The following AKR1C3 variants were observed in gnomAD, a reference collection of about 807,000 sequenced individuals.
The protein encoded by AKR1C3 is aldo-keto reductase family 1 member C3, also known as 3-alpha hydroxysteroid dehydrogenase, type II.
Under a neutral mutation model 43.6 loss-of-function variants are expected in AKR1C3, and 48 were observed. That is an observed-to-expected ratio of 1.10 (90% confidence interval 0.87 to 1.40). The LOEUF (loss-of-function observed/expected upper bound fraction) is 1.40, where lower values mean the gene tolerates loss of function less well. Ranked by LOEUF, AKR1C3 falls within the 40% of genes most tolerant of loss-of-function variation. The probability of loss-of-function intolerance (pLI) is 0.00; values close to 1 mark genes in which losing one functional copy is unlikely to be tolerated. For missense variants in AKR1C3, 482 were observed against 391.2 expected (o/e 1.23, Z -1.96); for synonymous variants, 162 against 139.6 (o/e 1.16, Z -1.13).
upstream of AKR1C3, among the ~76,000 whole-genome samples, chr10:5,092,118 T>C (rs375146620): frequency 3.3e-5 from 5 of 152,134 alleles, no homozygotes; most frequent in East Asian, 7.7e-4. Context: ...ACCTATTACA[T>C]CCTTCAAATT....
chr10:5,068,830 G>T (rs1268684850), intron 1 of AKR1C3, among the ~76,000 whole-genome samples: 5 of 152,322 alleles, frequency 3.3e-5, no homozygotes, highest in Middle Eastern at 3.4e-3. Context: ...TCCCGAGTGG[G>T]CTGTCCTCAG....
At chr10:5,107,309 A>G in intron 8 of AKR1C3, 152 bp from the exon 9 acceptor site, 1 of 616,292 alleles carries the variant, frequency 1.6e-6, no homozygotes, top group Non-Finnish European at 2.9e-6. Flanking sequence ...ATACTGTATT[A>G]TGAAGCCATG....
chr10:5,069,508 T>C (rs66500137), intron 1 of AKR1C3, among the ~76,000 whole-genome samples: 1 of 152,154 alleles, frequency 6.6e-6, no homozygotes, highest in Non-Finnish European at 1.5e-5. Context: ...TTCCAGCACA[T>C]TTTGCCTACT....
chr10:5,054,416 G>A (rs1005972502), intron 1 of AKR1C3, among the ~76,000 whole-genome samples: 15 of 152,130 alleles, frequency 9.9e-5, no homozygotes. Context: ...GCTTTGAGGG[G>A]TACTGATAAG....
At chr10:5,082,873 C>T (rs1341174947) in intron 1 of AKR1C3, among the ~76,000 whole-genome samples, 3 of 152,120 alleles carry the variant, frequency 2.0e-5, no homozygotes, top group African/African-American at 7.2e-5. Flanking sequence ...TTGGTACCAG[C>T]TCTTCTTTCC....
chr10:5,059,943 GT>G (rs1421784200), intron 1 of AKR1C3, among the ~76,000 whole-genome samples: 1 of 152,142 alleles, frequency 6.6e-6, no homozygotes, highest in Non-Finnish European at 1.5e-5. Flanking sequence ...CATGTCTGGA[GT>G]TTTTTCCTTC....
chr10:5,105,373 G>C, intron 7 of AKR1C3: 2 of 358,110 alleles, frequency 5.6e-6, no homozygotes. Context: ...TTTTCTCTTT[G>C]TCTGCAGAGT....
intron 6 of AKR1C3, 121 bp downstream of exon 6, chr10:5,102,331 A>G (rs3750566): frequency 0.19 from 306,330 of 1,590,976 alleles, 41,115 homozygotes; most frequent in East Asian, 0.68. Context: ...AGAGAATTGC[A>G]TTTCTGACGA....
At chr10:5,099,812 T>A in intron 5 of AKR1C3, 1 of 230,018 alleles carries the variant, frequency 4.3e-6, no homozygotes, top group Non-Finnish European at 8.6e-6. Flanking sequence ...TGTATAGATA[T>A]GAAGCTAGGA....
At chr10:5,050,062 C>A (rs1415872058) in intron 1 of AKR1C3, among the ~76,000 whole-genome samples, 1 of 152,176 alleles carries the variant, frequency 6.6e-6, no homozygotes, top group Non-Finnish European at 1.5e-5. Flanking sequence ...ATATCATGTT[C>A]TCCCAAACCT....
rs782057404 is a variant in AKR1C3 at position 5,096,476 on chromosome 10, T to C, written c.151T>C (p.Ser51Pro). The C allele has an allele frequency of 2.5e-6, 4 of 1,613,874 alleles. No individual in the cohort carries two copies. Among genetic ancestry groups the C allele is most frequent in the Non-Finnish European group, 3.4e-6 (4 of 1,179,796 alleles). Residue 51 changes from serine to proline, a missense_variant, in exon 2 of 9, where the codon TCT becomes CCT. Coordinates refer to ENST00000380554, the MANE Select transcript of AKR1C3 (RefSeq NM_003739.6). ...AGAAGCTGGGTTCCGCCATATAGAT[T>C]CTGCTCATTTATACAATAATGAGGA... is the stretch of plus-strand genomic sequence containing the variant. ...AIEAGFRHIDSAHLYNNEEQV... is the reference protein window; with the variant it reads ...AIEAGFRHIDPAHLYNNEEQV...
rs1564374105 is a variant in AKR1C3, at chr10:5,107,460, G to GTT, written c.932_933dup (p.Ala312LeufsTer20). The GTT allele has an allele frequency of 6.4e-7, 1 of 1,570,042 alleles. No homozygotes were observed. Among genetic ancestry groups the GTT allele is most frequent in the Admixed American group, 1.7e-5 (1 of 59,662 alleles). On this transcript the variant is annotated frameshift_variant and splice_region_variant. Coordinates refer to ENST00000380554, the MANE Select transcript of AKR1C3 (RefSeq NM_003739.6). LOFTEE classifies it high-confidence loss of function. The stretch of plus-strand genomic sequence containing the variant: ...TATATTATACATTATTCTCTTTTCA[G>GTT]TTTTGCTAGCCACCCTAATTATCCA...
rs533261676 is a variant in AKR1C3 at position 5,058,627 on chromosome 10, C to T, written c.84+9732C>T. Reference sequence around the variant, plus strand: ...TGATCAGAATACCTGTGCTCACCAACGCAGCAGTGGAAACAACCCCTGCCC... The same window carrying T: ...TGATCAGAATACCTGTGCTCACCAATGCAGCAGTGGAAACAACCCCTGCCC... On this transcript the variant is annotated intron_variant, in intron 1 of 8. Transcript: ENST00000439082. Among the ~76,000 whole-genome samples the T allele has an allele frequency of 1.2e-4, 19 of 152,292 alleles. 1 individual carries two copies. In the South Asian group the frequency reaches 3.1e-3, roughly 25 times the overall value.
chr10:5,096,329 T>C, intron 1 of AKR1C3, 81 bp from the exon 2 acceptor site: 1 of 1,504,606 alleles, frequency 6.6e-7, no homozygotes, highest in Non-Finnish European at 9.0e-7. Flanking sequence ...AAGCTGATTC[T>C]TGTATAAAAG....
chr10:5,051,225 A>G (rs1025532308), intron 1 of AKR1C3, among the ~76,000 whole-genome samples: 9 of 152,096 alleles, frequency 5.9e-5, no homozygotes, highest in African/African-American at 1.9e-4. Context: ...CCTCCCAAGT[A>G]GTTGGAATTA....
At chr10:5,056,854 G>T (rs1342743377) in intron 1 of AKR1C3, among the ~76,000 whole-genome samples, 2 of 152,230 alleles carry the variant, frequency 1.3e-5, no homozygotes, top group Admixed American at 6.5e-5. Flanking sequence ...TACAACTGAG[G>T]AGGTGAGAGA....
At chr10:5,077,551 G>T in intron 1 of AKR1C3, 1 of 487,824 alleles carries the variant, frequency 2.0e-6, no homozygotes, top group East Asian at 1.5e-4. Context: ...GGAAATGCAA[G>T]GTTTGTCTTT....
At chr10:5,078,043 T>C (rs536937974) in intron 1 of AKR1C3, 1 of 648,516 alleles carries the variant, frequency 1.5e-6, no homozygotes, top group African/African-American at 1.9e-5. Context: ...TACTATATTT[T>C]GTAAATGGAA....
At position 5,073,049 on chromosome 10, in the gene AKR1C3, C is replaced by T. The variant is rs148274131; in HGVS notation, c.85-23361C>T. On this transcript the variant is annotated intron_variant, in intron 1 of 8. Transcript: ENST00000439082. Reference sequence around the variant, plus strand: ...CACAATCTTGGCTCACTGCAACCTCCGCCTCCTGAGTTCAAGTGATTCACA... The same window carrying T: ...CACAATCTTGGCTCACTGCAACCTCTGCCTCCTGAGTTCAAGTGATTCACA... Among the ~76,000 whole-genome samples the T allele has an allele frequency of 2.1e-3, 325 of 152,180 alleles. 2 individuals carry two copies. The highest frequency in any genetic ancestry group is 7.0e-3 in the African/African-American group (290 of 41,526).
Sources: gnomAD v4.1 joint callset for allele counts (sites outside exome capture counted in the v4.1 genomes callset) on GRCh38, gnomAD v4.1.1 for gene constraint, MANE v1.5 for transcripts, NCBI Gene and HGNC (gene_info 2026-07-23, HGNC 2026-07-21) for gene names.